The following RORA variants were observed in gnomAD, a reference collection of about 807,000 sequenced individuals.
RORA encodes RAR related orphan receptor A.
RORA carries 7 observed loss-of-function variants against 69.5 expected under a neutral mutation model. That is an observed-to-expected ratio of 0.10 (90% CI 0.06 to 0.19). The LOEUF (loss-of-function observed/expected upper bound fraction) is 0.19, where lower values mean the gene tolerates loss of function less well. Ranked by LOEUF, RORA falls within the 10% of genes least tolerant of loss-of-function variation. The probability of loss-of-function intolerance (pLI) is 1.00; values close to 1 mark genes in which losing one functional copy is unlikely to be tolerated. For synonymous variants in RORA, 261 were observed against 240.8 expected, an observed-to-expected ratio of 1.08 and a Z score of -0.78; for missense variants, 457 against 663.0, an observed-to-expected ratio of 0.69 and a Z score of 3.41.
intron 1 of RORA, among the ~76,000 whole-genome samples, chr15:61,038,420 T>C (rs1264711392): frequency 6.6e-6 from 1 of 152,184 alleles, no homozygotes; most frequent in Non-Finnish European, 1.5e-5. Context: ...ATGGTCTCCA[T>C]GGAAACCCTC....
intron 1 of RORA, among the ~76,000 whole-genome samples, chr15:60,785,401 G>A (rs187796769): frequency 2.0e-5 from 3 of 152,268 alleles, no homozygotes; most frequent in East Asian, 1.9e-4. Flanking sequence ...TAAATGAATA[G>A]GTAAACAGAG....
At chr15:60,963,581 C>T (rs1893472526) in intron 1 of RORA, among the ~76,000 whole-genome samples, 1 of 152,226 alleles carries the variant, frequency 6.6e-6, no homozygotes, top group African/African-American at 2.4e-5. Context: ...AGAAATTGCA[C>T]TTATTTGTGA....
chr15:60,934,802 C>T (rs1373706331), intron 1 of RORA, among the ~76,000 whole-genome samples: 1 of 152,228 alleles, frequency 6.6e-6, no homozygotes, highest in African/African-American at 2.4e-5. Context: ...TGTCTCCCTG[C>T]CTCCAGGCTC....
At chr15:61,150,674 G>A (rs914971223) in intron 1 of RORA, among the ~76,000 whole-genome samples, 29 of 152,010 alleles carry the variant, frequency 1.9e-4, no homozygotes, top group Admixed American at 1.7e-3. Flanking sequence ...AACTCATTTC[G>A]GCTAAGTAGT....
chr15:60,616,690 TCA>T, intron 2 of RORA, among the ~76,000 whole-genome samples: 2 of 152,326 alleles, frequency 1.3e-5, no homozygotes, highest in Non-Finnish European at 2.9e-5. Flanking sequence ...AGAAAGTTTC[TCA>T]GGTACAAATG....
intron 1 of RORA, among the ~76,000 whole-genome samples, chr15:60,888,723 A>G (rs1271839054): frequency 6.6e-6 from 1 of 152,134 alleles, no homozygotes; most frequent in African/African-American, 2.4e-5. Context: ...CTTTCCCTTT[A>G]AGACATCAGG....
At chr15:61,197,103 C>T (rs1374042005) in intron 1 of RORA, among the ~76,000 whole-genome samples, 1 of 152,232 alleles carries the variant, frequency 6.6e-6, no homozygotes, top group East Asian at 1.9e-4. Context: ...GCCAGCGTTA[C>T]TTCCCGGTGC....
At chr15:60,617,126 A>T (rs1032697175) in intron 2 of RORA, among the ~76,000 whole-genome samples, 1 of 152,164 alleles carries the variant, frequency 6.6e-6, no homozygotes. Context: ...TGATATGATG[A>T]TATGTATTCT....
intron 1 of RORA, among the ~76,000 whole-genome samples, chr15:60,687,072 G>A (rs1259013892): frequency 6.6e-6 from 1 of 152,158 alleles, no homozygotes; most frequent in Admixed American, 6.5e-5. Flanking sequence ...GATGGAAGAA[G>A]GAAAAACCCC....
Position 60,534,171 on chromosome 15 carries a change from AC to A in RORA, c.197-2321del. The stretch of plus-strand genomic sequence containing the variant: ...TGAAGCAACGATGTTTAAGGCTGTG[AC>A]CAAGATGCCTGCCTGGCACGGAGGT... On this transcript the variant is annotated intron_variant, in intron 2 of 10. Coordinates refer to ENST00000335670, the MANE Select transcript of RORA (RefSeq NM_134261.3). The surrounding 1 kb of genome is among the most constrained non-coding windows in gnomAD (Gnocchi z 5.0). Among the ~76,000 whole-genome samples, 1 of 152,320 alleles carries A rather than the reference AC, an allele frequency of 6.6e-6. No individual in the cohort carries two copies. The highest frequency in any genetic ancestry group is 1.9e-4 in the East Asian group (1 of 5,186).
At chr15:60,555,301 G>A (rs933009935) in intron 2 of RORA, among the ~76,000 whole-genome samples, 3 of 152,138 alleles carry the variant, frequency 2.0e-5, no homozygotes, top group African/African-American at 7.2e-5. Context: ...TAAGTTAAAA[G>A]TGTCATAAAA....
At chr15:60,673,793 G>A (rs771131392) in intron 2 of RORA, among the ~76,000 whole-genome samples, 4 of 152,076 alleles carry the variant, frequency 2.6e-5, no homozygotes, top group African/African-American at 4.8e-5. Flanking sequence ...GTCTGTAAAC[G>A]CCTGGAAGGT....
At chr15:61,033,413 A>AAATC (rs370572319) in intron 1 of RORA, among the ~76,000 whole-genome samples, 1 of 150,912 alleles carries the variant, frequency 6.6e-6, no homozygotes, top group African/African-American at 2.4e-5. Flanking sequence ...ATTCTGAAAA[A>AAATC]AAAAACAAAA....
chr15:60,493,208 G>GAAAC lies in RORA; in HGVS notation c.*4243_*4246dup, dbSNP rs998258553. The GAAAC allele has an allele frequency of 2.0e-4, 31 of 152,026 alleles. No individual in the cohort carries two copies. The highest frequency in any genetic ancestry group is 7.2e-4 in the African/African-American group (30 of 41,466). 9.4% of individuals were successfully genotyped at this position (152,026 alleles called of 1,614,324 possible). ...CATATGATTTAAACAATCAATGTTG[G>GAAAC]AAACAGTGGCTTTAGGATTATTATC... On this transcript the variant is annotated 3_prime_UTR_variant, in exon 11 of 11. Transcript: ENST00000335670.
At chr15:61,020,516 T>A (rs1895472998) in intron 1 of RORA, among the ~76,000 whole-genome samples, 1 of 152,182 alleles carries the variant, frequency 6.6e-6, no homozygotes, top group Non-Finnish European at 1.5e-5. Flanking sequence ...CTTTTCTTAT[T>A]GTTTATTGAA....
intron 2 of RORA, among the ~76,000 whole-genome samples, chr15:60,664,124 G>A (rs752205748): frequency 6.6e-6 from 1 of 152,134 alleles, no homozygotes; most frequent in Non-Finnish European, 1.5e-5. Flanking sequence ...CTCCCCTAGT[G>A]AAAATGAGAA....
intron 1 of RORA, among the ~76,000 whole-genome samples, chr15:61,091,005 TCAG>T (rs2078698028): frequency 6.6e-6 from 1 of 152,240 alleles, no homozygotes; most frequent in Admixed American, 6.5e-5. Flanking sequence ...AGGCTTTTCT[TCAG>T]CAGATTTACA....
chr15:60,709,081 C>G (rs2071107883), intron 1 of RORA, among the ~76,000 whole-genome samples: 1 of 152,174 alleles, frequency 6.6e-6, no homozygotes, highest in Non-Finnish European at 1.5e-5. Context: ...CATTGATTTT[C>G]CATCCCTTCC....
chr15:60,744,802 C>A (rs1014960641), intron 1 of RORA, among the ~76,000 whole-genome samples: 3 of 152,196 alleles, frequency 2.0e-5, no homozygotes, highest in Non-Finnish European at 4.4e-5. Context: ...ATTAACAATT[C>A]TCCTCTACTC....
Sources: gnomAD v4.1 joint callset for allele counts (sites outside exome capture counted in the v4.1 genomes callset) on GRCh38, gnomAD v4.1.1 for gene constraint, Gnocchi (gnomAD v3.1) non-coding constraint, MANE v1.5 for transcripts, NCBI Gene and HGNC (gene_info 2026-07-23, HGNC 2026-07-21) for gene names.